Variants in PGBD5 observed in about 807,000 individuals in gnomAD.
PGBD5 encodes the protein piggyBac transposable element-derived protein 5.
In PGBD5, 14 loss-of-function variants were observed where a neutral mutation model predicts 47.9. The ratio of observed to expected loss-of-function variants is 0.29; its 90% CI spans 0.19 to 0.46. PGBD5 has a LOEUF of 0.46. PGBD5 is among the 20% of genes least tolerant of loss of function. The probability of loss-of-function intolerance (pLI) is 1.00; values close to 1 mark genes in which losing one functional copy is unlikely to be tolerated. For synonymous variants in PGBD5, 316 were observed against 306.3 expected (o/e 1.03, Z -0.33); for missense variants, 635 against 716.0 (o/e 0.89, Z 1.29).
chr1:230,413,786 T>C (rs1014032816), intron 1 of PGBD5, among the ~76,000 whole-genome samples: 1 of 152,144 alleles, frequency 6.6e-6, no homozygotes, highest in African/African-American at 2.4e-5. Context: ...CACAACTATC[T>C]GTGGATCGGC....
At chr1:230,403,256 A>G (rs1264614211) in intron 1 of PGBD5, among the ~76,000 whole-genome samples, 1 of 152,234 alleles carries the variant, frequency 6.6e-6, no homozygotes, top group East Asian at 1.9e-4. Context: ...TGGGGATAAC[A>G]ATACTTAAAC....
intron 1 of PGBD5, among the ~76,000 whole-genome samples, chr1:230,387,374 T>C (rs1656665647): frequency 6.6e-6 from 1 of 152,148 alleles, no homozygotes; most frequent in Non-Finnish European, 1.5e-5. Context: ...CAGCATGGTT[T>C]AGATTTAGAA....
chr1:230,388,004 C>G (rs114884306), intron 1 of PGBD5, among the ~76,000 whole-genome samples: 1 of 152,100 alleles, frequency 6.6e-6, no homozygotes, highest in African/African-American at 2.4e-5. Flanking sequence ...CTGCTCCCTG[C>G]GTCCCCCAGT....
Position 230,348,084 on chromosome 1 carries a change from A to T in PGBD5, c.894+2874T>A, listed in dbSNP as rs146680604. Among the ~76,000 whole-genome samples, 371 of 152,302 alleles carry T rather than the reference A, an allele frequency of 2.4e-3. 2 individuals are homozygous for T. The highest frequency in any genetic ancestry group is 8.6e-3 in the African/African-American group (358 of 41,558). The stretch of plus-strand genomic sequence containing the variant: ...CTAACGAGCGGCACAGCACAATGGG[A>T]GAGGACCCTTAATACGGTCAGCTGC... On this transcript the variant is annotated intron_variant, in intron 3 of 6. Transcript: ENST00000391860.
intron 1 of PGBD5, among the ~76,000 whole-genome samples, chr1:230,369,549 G>A (rs1263303909): frequency 2.6e-5 from 4 of 152,174 alleles, no homozygotes; most frequent in Non-Finnish European, 4.4e-5. Flanking sequence ...AAGGTGCGCA[G>A]CCCTGCTCTG....
chr1:230,395,467 C>T (rs1423132006), intron 1 of PGBD5, among the ~76,000 whole-genome samples: 1 of 20,140 alleles, frequency 5.0e-5, no homozygotes. Flanking sequence ...TCCTCTCTCA[C>T]TCCCTCCCTC....
chr1:230,376,036 G>C (rs1179103095), intron 1 of PGBD5, among the ~76,000 whole-genome samples: 1 of 151,952 alleles, frequency 6.6e-6, no homozygotes, highest in African/African-American at 2.4e-5. Flanking sequence ...TACTGTTGCT[G>C]CTGTTGTTAT....
At chr1:230,358,859 T>C (rs968768314) in intron 1 of PGBD5, among the ~76,000 whole-genome samples, 1 of 152,212 alleles carries the variant, frequency 6.6e-6, no homozygotes, top group Non-Finnish European at 1.5e-5. Context: ...GTATACTGCA[T>C]GATGTCTGCA....
chr1:230,353,463 A>G (rs567564839), intron 2 of PGBD5, among the ~76,000 whole-genome samples: 1 of 152,308 alleles, frequency 6.6e-6, no homozygotes, highest in East Asian at 1.9e-4. Context: ...GGTCATTGCT[A>G]CATTCTGGGA....
At position 230,360,826 on chromosome 1, in the gene PGBD5, G is replaced by C. The variant is rs183315230; in HGVS notation, c.332-3505C>G. Among the ~76,000 whole-genome samples, 244 of 152,260 alleles carry C rather than the reference G, an allele frequency of 1.6e-3. 1 individual carries two copies. The highest frequency in any genetic ancestry group is 5.6e-3 in the African/African-American group (234 of 41,552). On this transcript the variant is annotated intron_variant, in intron 1 of 6. Coordinates refer to ENST00000391860, the MANE Select transcript of PGBD5 (RefSeq NM_001258311.2). The stretch of plus-strand genomic sequence containing the variant: ...TAATCACAGGACCATTGAACAATAT[G>C]GCCCTGGCATGGGCAGCACCCCCAG...
chr1:230,422,478 G>A (rs1657669929), intron 1 of PGBD5, among the ~76,000 whole-genome samples: 1 of 152,154 alleles, frequency 6.6e-6, no homozygotes, highest in African/African-American at 2.4e-5. Flanking sequence ...TTAAGAGAGG[G>A]TCCTAGGCTC....
Position 230,357,118 on chromosome 1 carries a change from T to C in PGBD5, c.535A>G (p.Ile179Val), listed in dbSNP as rs1042307412. 4.3e-6 allele frequency: 7 copies of C among 1,614,026 alleles called. No homozygotes were observed. In the African/African-American group the frequency reaches 9.3e-5, roughly 22 times the overall value. Reference protein sequence around the residue: ...AFLGYMISTSISHCESVLSIW... With the variant: ...AFLGYMISTSVSHCESVLSIW... ...CTGAGGACGGACTCGCAGTGGGAGA[T>C]GCTGGTGGAGATCATGTAGCCCAGG... is the stretch of plus-strand genomic sequence containing the variant. The change falls in exon 2 of 7, where the codon ATC (isoleucine) becomes GTC (valine). Residue 179 changes from isoleucine to valine, a missense_variant. Ile to Val is a conservative substitution (Grantham distance 29, BLOSUM62 3). Transcript: ENST00000391860. The surrounding 1 kb of genome is among the most constrained non-coding windows in gnomAD (Gnocchi z 5.7).
intron 3 of PGBD5, among the ~76,000 whole-genome samples, chr1:230,345,345 T>A (rs1161304033): frequency 6.6e-6 from 1 of 152,106 alleles, no homozygotes; most frequent in Non-Finnish European, 1.5e-5. Flanking sequence ...GGAACTCCAA[T>A]CGCTCAATTA....
chr1:230,377,749 A>G, intron 1 of PGBD5: 1 of 1,391,430 alleles, frequency 7.2e-7, no homozygotes, highest in Non-Finnish European at 9.4e-7. Context: ...AAAATGAAAT[A>G]CTGTGCATAA....
intron 1 of PGBD5, among the ~76,000 whole-genome samples, chr1:230,391,751 C>A (rs1339139993): frequency 6.6e-6 from 1 of 152,210 alleles, no homozygotes; most frequent in Non-Finnish European, 1.5e-5. Flanking sequence ...AAATAAACCT[C>A]TTCCTCACCA....
intron 1 of PGBD5, among the ~76,000 whole-genome samples, chr1:230,391,866 A>G (rs1324574658): frequency 6.6e-6 from 1 of 152,230 alleles, no homozygotes; most frequent in Non-Finnish European, 1.5e-5. Flanking sequence ...CCCATGCTGC[A>G]TTTCTTTCTT....
intron 1 of PGBD5, among the ~76,000 whole-genome samples, chr1:230,408,161 C>T (rs552293241): frequency 6.6e-6 from 1 of 152,274 alleles, no homozygotes; most frequent in East Asian, 1.9e-4. Flanking sequence ...CCACTGACAG[C>T]ATGAGAGGTT....
In PGBD5 at chr1:230,322,750, T is replaced by G. The variant is rs1009456463; in HGVS notation, c.*675A>C. The G allele has an allele frequency of 1.3e-5, 2 of 152,732 alleles. No individual in the cohort carries two copies. Among genetic ancestry groups the G allele is most frequent in the Non-Finnish European group, 2.9e-5 (2 of 68,016 alleles). The allele number at this position is 152,732 out of a possible 1,614,324, so 9.5% of individuals were successfully genotyped here. ...TGAAGATATATTTAAAAATAAAAAA[T>G]AGCATCATCCTTCACTCCAAGTTTT... On this transcript the variant is annotated 3_prime_UTR_variant, in exon 7 of 7. Transcript: ENST00000391860. The surrounding 1 kb of genome is among the most constrained non-coding windows in gnomAD (Gnocchi z 5.9).
chr1:230,362,597 C>T (rs1033633572), intron 1 of PGBD5, among the ~76,000 whole-genome samples: 4 of 152,154 alleles, frequency 2.6e-5, no homozygotes, highest in African/African-American at 9.7e-5. Flanking sequence ...TAGCACAGTT[C>T]ACAGCTGTCC....
Sources: gnomAD v4.1 joint callset for allele counts (sites outside exome capture counted in the v4.1 genomes callset) on GRCh38, gnomAD v4.1.1 for gene constraint, Gnocchi (gnomAD v3.1) non-coding constraint, MANE v1.5 for transcripts, NCBI Gene and HGNC (gene_info 2026-07-23, HGNC 2026-07-21) for gene names.